Variants in GLDC observed in about 807,000 individuals in gnomAD.
GLDC encodes glycine decarboxylase, also known as glycine dehydrogenase (decarboxylating), mitochondrial.
Under a neutral mutation model 121.3 loss-of-function variants are expected in GLDC, and 104 were observed. The ratio of observed to expected loss-of-function variants is 0.86; its 90% confidence interval spans 0.73 to 1.01. The LOEUF (loss-of-function observed/expected upper bound fraction) is 1.01, where lower values mean the gene tolerates loss of function less well. Among genes scored for constraint, GLDC ranks in the 50% least tolerant of loss-of-function variants. GLDC has a pLI of 0.00. For missense variants in GLDC, 1,429 were observed against 1,306.6 expected (o/e 1.09, Z -1.44); for synonymous variants, 546 against 480.6 (o/e 1.14, Z -1.78).
At chr9:6,568,300 G>A (rs1466080492) in intron 15 of GLDC, among the ~76,000 whole-genome samples, 1 of 152,176 alleles carries the variant, frequency 6.6e-6, no homozygotes. Context: ...TACTACTGGG[G>A]CATTAGTAAA....
intron 15 of GLDC, among the ~76,000 whole-genome samples, chr9:6,579,695 G>A (rs992667609): frequency 9.2e-5 from 14 of 152,076 alleles, no homozygotes; most frequent in Admixed American, 2.0e-4. Flanking sequence ...GTTGCAGAAT[G>A]TCCTTTTTAC....
intron 13 of GLDC, 41 bp from the exon 14 acceptor site, chr9:6,588,483 T>C (rs1259740013): frequency 1.3e-6 from 2 of 1,551,670 alleles, no homozygotes; most frequent in African/African-American, 2.7e-5. Flanking sequence ...TTAGTGATTT[T>C]CTATAGTCCA....
Position 6,533,061 on chromosome 9 carries a change from C to G in GLDC, c.3019G>C (p.Val1007Leu). The change falls in exon 25 of 25, where the codon GTT becomes CTT. Residue 1007 changes from valine (V) to leucine (L), a missense_variant. Coordinates refer to ENST00000321612, the MANE Select transcript of GLDC (RefSeq NM_000170.3). ...HLVCTCPPME[V>L]YESPFSEQKR... is the part of the protein sequence containing the mutation. ...TGTTCAGAAAATGGAGACTCATAAA[C>G]TTCCATGGGTGGGCAGGTACAAACC... The G allele has an allele frequency of 6.2e-7, 1 of 1,612,278 alleles. No homozygotes were observed. The highest frequency in any genetic ancestry group is 8.5e-7 in the Non-Finnish European group (1 of 1,178,300).
At chr9:6,595,938 G>A (rs1366911690) in intron 8 of GLDC, among the ~76,000 whole-genome samples, 1 of 152,200 alleles carries the variant, frequency 6.6e-6, no homozygotes, top group Non-Finnish European at 1.5e-5. Context: ...ATAAGAAACA[G>A]TTTCCAAAGG....
At chr9:6,565,235 C>A (rs1817831015) in intron 16 of GLDC, 119 bp downstream of exon 16, 2 of 800,084 alleles carry the variant, frequency 2.5e-6, no homozygotes, top group Non-Finnish European at 4.6e-6. Context: ...TGTTTCTTGA[C>A]TATATGTTCC....
chr9:6,639,236 C>T (rs1819575677), intron 2 of GLDC: 5 of 918,710 alleles, frequency 5.4e-6, no homozygotes, highest in African/African-American at 1.6e-5. Flanking sequence ...TGAAAGGTGT[C>T]CACAGCCACA....
intron 19 of GLDC, among the ~76,000 whole-genome samples, chr9:6,554,381 C>G (rs1817575403): frequency 6.6e-6 from 1 of 152,180 alleles, no homozygotes; most frequent in South Asian, 2.1e-4. Context: ...AATACGTATG[C>G]TCAGGTGAAG....
At chr9:6,584,791 A>G (rs1818235464) in intron 15 of GLDC, among the ~76,000 whole-genome samples, 2 of 152,342 alleles carry the variant, frequency 1.3e-5, no homozygotes, top group Non-Finnish European at 2.9e-5. Context: ...AATGGATGGT[A>G]TAGCTGGGAA....
At chr9:6,597,988 A>T (rs1457466772) in intron 8 of GLDC, among the ~76,000 whole-genome samples, 5 of 152,162 alleles carry the variant, frequency 3.3e-5, no homozygotes, top group African/African-American at 9.7e-5. Context: ...AAATTCAGAC[A>T]TCTGTAGTAA....
chr9:6,558,813 G>A (rs954822214), intron 16 of GLDC, 129 bp from the exon 17 acceptor site: 5 of 981,202 alleles, frequency 5.1e-6, no homozygotes, highest in Non-Finnish European at 8.0e-6. Context: ...CTGAACACTA[G>A]TGCTTTAAAA....
chr9:6,580,142 C>T (rs986793393), intron 15 of GLDC, among the ~76,000 whole-genome samples: 1 of 152,174 alleles, frequency 6.6e-6, no homozygotes, highest in Admixed American at 6.5e-5. Context: ...AACTGCCTTT[C>T]GTCTCAGGGT....
At chr9:6,593,768 C>G (rs1818431662) in intron 9 of GLDC, among the ~76,000 whole-genome samples, 1 of 151,118 alleles carries the variant, frequency 6.6e-6, no homozygotes, top group African/African-American at 2.4e-5. Context: ...TCTTGGCACA[C>G]TGCAACCTCC....
chr9:6,565,963 C>A (rs141009790), intron 15 of GLDC: 119 of 196,158 alleles, frequency 6.1e-4, no homozygotes, highest in African/African-American at 2.5e-3. Context: ...AACTACAGGC[C>A]GGGTGCAATG....
chr9:6,559,150 T>C (rs1014549092), intron 16 of GLDC, among the ~76,000 whole-genome samples: 1 of 152,118 alleles, frequency 6.6e-6, no homozygotes, highest in Non-Finnish European at 1.5e-5. Context: ...ACCAATTATA[T>C]CAATATTTAT....
At chr9:6,604,818 G>T (rs1429643688) in intron 6 of GLDC, 34 bp from the exon 7 acceptor site, 6 of 1,555,970 alleles carry the variant, frequency 3.9e-6, no homozygotes, top group Non-Finnish European at 5.3e-6. Flanking sequence ...GAACAAGGTT[G>T]CTACCTTTCC....
chr9:6,547,079 C>G (rs1454364835), intron 21 of GLDC, among the ~76,000 whole-genome samples: 4 of 152,116 alleles, frequency 2.6e-5, no homozygotes, highest in African/African-American at 9.7e-5. Context: ...AAGTGTCATA[C>G]TTTTAGACAA....
Position 6,604,598 on chromosome 9 carries a change from C to T in GLDC, c.1048G>A (p.Gly350Arg), listed in dbSNP as rs1187433701. 1.2e-6 allele frequency: 2 copies of T among 1,612,142 alleles called. No individual in the cohort carries two copies. The highest frequency in any genetic ancestry group is 1.7e-6 in the Non-Finnish European group (2 of 1,179,656). Reference protein sequence around the residue: ...LVRMMPGRMVGVTRDATGKEV... With the variant: ...LVRMMPGRMVRVTRDATGKEV... The stretch of plus-strand genomic sequence containing the variant: ...CATGAGCCCCTTTACCTTGTTACCC[C>T]CACCATTCTTCCAGGCATCATTCTC... Residue 350 changes from glycine (G) to arginine (R), a missense_variant, in exon 7 of 25, where the codon GGG (glycine) becomes AGG (arginine). Coordinates refer to ENST00000321612, the MANE Select transcript of GLDC (RefSeq NM_000170.3).
At chr9:6,603,698 G>A (rs1818667902) in intron 7 of GLDC, among the ~76,000 whole-genome samples, 1 of 150,962 alleles carries the variant, frequency 6.6e-6, no homozygotes, top group East Asian at 1.9e-4. Context: ...ATCCTGGAAT[G>A]CATCTAGGTC....
chr9:6,550,541 C>T (rs1027333405), intron 21 of GLDC, among the ~76,000 whole-genome samples: 11 of 152,118 alleles, frequency 7.2e-5, no homozygotes, highest in East Asian at 1.9e-4. Context: ...GCAAAAGAAT[C>T]GCTTGAACCC....
Sources: gnomAD v4.1 joint callset for allele counts (sites outside exome capture counted in the v4.1 genomes callset) on GRCh38, gnomAD v4.1.1 for gene constraint, MANE v1.5 for transcripts, NCBI Gene and HGNC (gene_info 2026-07-23, HGNC 2026-07-21) for gene names.